Variants in CNTNAP2 observed in about 807,000 individuals in gnomAD.
CNTNAP2 encodes contactin-associated protein-like 2.
Under a neutral mutation model 155.2 loss-of-function variants are expected in CNTNAP2, and 98 were observed. That is an observed-to-expected ratio of 0.63 (90% CI 0.54 to 0.75). The LOEUF (loss-of-function observed/expected upper bound fraction) is 0.75. Ranked by LOEUF, CNTNAP2 falls within the 30% of genes least tolerant of loss-of-function variation. The pLI is 0.00. For missense variants in CNTNAP2, 1,727 were observed against 1,688.1 expected, an observed-to-expected ratio of 1.02 and a Z score of -0.40; for synonymous variants, 651 against 631.2, an observed-to-expected ratio of 1.03 and a Z score of -0.47.
At chr7:148,013,286 C>G (rs1424871564) in intron 15 of CNTNAP2, 2 of 152,194 alleles carry the variant, frequency 1.3e-5, no homozygotes, top group Non-Finnish European at 1.5e-5. Flanking sequence ...CACTAAACCT[C>G]TAAGTAAGCA....
intron 21 of CNTNAP2, among the ~76,000 whole-genome samples, chr7:148,327,116 G>A (rs1918295): frequency 0.8 from 121,623 of 151,546 alleles, 48,893 homozygotes; most frequent in African/African-American, 0.84. Context: ...ACACGAAGGA[G>A]TGAAATACCT....
chr7:146,384,198 A>G (rs1196513979), intron 1 of CNTNAP2, among the ~76,000 whole-genome samples: 1 of 152,242 alleles, frequency 6.6e-6, no homozygotes, highest in African/African-American at 2.4e-5. Context: ...TGTGGTACAT[A>G]AAGTGAATTG....
chr7:148,259,313 G>A lies in CNTNAP2; in HGVS notation c.3382-7720G>A, dbSNP rs548143815. The stretch of plus-strand genomic sequence containing the variant: ...GGAGTCTGCAGTGAGCTGTGACTGC[G>A]CCACTGCACTCTAGCCTGGATGACA... On this transcript the variant is annotated intron_variant, in intron 20 of 23. Coordinates refer to ENST00000361727, the MANE Select transcript of CNTNAP2 (RefSeq NM_014141.6). 1.8e-4 allele frequency among the ~76,000 whole-genome samples: 26 copies of A among 145,730 alleles called. No individual in the cohort carries two copies. In the South Asian group the frequency reaches 3.6e-3, roughly 20 times the overall value.
chr7:147,594,797 C>A lies in CNTNAP2; in HGVS notation c.1897+32540C>A, dbSNP rs1800798048. ...AGTCAAAAGCATAGATTAACCAAGG[C>A]AAGCTCTAAAGTAAGAAGCAATATG... is the stretch of plus-strand genomic sequence containing the variant. On this transcript the variant is annotated intron_variant, in intron 12 of 23. Coordinates refer to ENST00000361727, the MANE Select transcript of CNTNAP2 (RefSeq NM_014141.6). Among the ~76,000 whole-genome samples, 2 of 152,174 alleles carry A rather than the reference C, an allele frequency of 1.3e-5. 1 individual carries two copies. The highest frequency in any genetic ancestry group is 6.8e-3 in the Middle Eastern group (2 of 294).
chr7:148,315,941 TA>T (rs1797679780), intron 21 of CNTNAP2, among the ~76,000 whole-genome samples: 1 of 152,192 alleles, frequency 6.6e-6, no homozygotes, highest in South Asian at 2.1e-4. Flanking sequence ...TCATATATAT[TA>T]TTTATGCTTT....
intron 1 of CNTNAP2, among the ~76,000 whole-genome samples, chr7:146,551,030 C>T (rs917461504): frequency 2.6e-5 from 4 of 151,888 alleles, no homozygotes; most frequent in Admixed American, 6.6e-5. Flanking sequence ...GATTTGGTAA[C>T]GTAAATATTT....
Position 148,047,506 on chromosome 7 carries a change from C to T in CNTNAP2, c.2383+69517C>T, listed in dbSNP as rs114177679. On this transcript the variant is annotated intron_variant, in intron 15 of 23. Coordinates refer to ENST00000361727, the MANE Select transcript of CNTNAP2 (RefSeq NM_014141.6). ...GAACACTGGACGACACTCAACACTG[C>T]GCTTGGGGGCCATTTGAAACAGTAA... Among the ~76,000 whole-genome samples, 278 of 152,144 alleles carry T rather than the reference C, an allele frequency of 1.8e-3. 2 individuals are homozygous for T. The highest frequency in any genetic ancestry group is 6.3e-3 in the African/African-American group (260 of 41,510).
chr7:147,827,988 C>T (rs1798487662), intron 13 of CNTNAP2, among the ~76,000 whole-genome samples: 1 of 152,132 alleles, frequency 6.6e-6, no homozygotes. Flanking sequence ...AGCTACACTG[C>T]TTTCAAAACA....
At chr7:148,312,472 C>A (rs1278335147) in intron 21 of CNTNAP2, among the ~76,000 whole-genome samples, 1 of 151,994 alleles carries the variant, frequency 6.6e-6, no homozygotes, top group Non-Finnish European at 1.5e-5. Context: ...GAGGGTCAGT[C>A]CAAGTGAAAG....
At chr7:147,733,890 G>A (rs567647374) in intron 13 of CNTNAP2, among the ~76,000 whole-genome samples, 3 of 152,174 alleles carry the variant, frequency 2.0e-5, no homozygotes, top group African/African-American at 7.2e-5. Context: ...TGCTGAAATT[G>A]CTTATCAGCT....
At chr7:146,875,934 C>CAAAAAAAAAA (rs56304234) in intron 3 of CNTNAP2, among the ~76,000 whole-genome samples, 25 of 55,138 alleles carry the variant, frequency 4.5e-4, no homozygotes, top group East Asian at 1.0e-3. Flanking sequence ...ACATACACAG[C>CAAAAAAAAAA]AAAAAAAAAA....
chr7:147,156,322 T>C (rs1801926014), intron 8 of CNTNAP2, among the ~76,000 whole-genome samples: 1 of 152,192 alleles, frequency 6.6e-6, no homozygotes, highest in South Asian at 2.1e-4. Context: ...TTTAGGATCA[T>C]TTGTGTGAAT....
intron 10 of CNTNAP2, among the ~76,000 whole-genome samples, chr7:147,412,034 G>A (rs983136565): frequency 4.6e-5 from 7 of 151,988 alleles, no homozygotes; most frequent in African/African-American, 1.7e-4. Context: ...TTAGACAATC[G>A]ACATTTTAGG....
At chr7:146,807,604 A>G (rs867936637) in intron 2 of CNTNAP2, among the ~76,000 whole-genome samples, 5 of 152,148 alleles carry the variant, frequency 3.3e-5, no homozygotes, top group Middle Eastern at 3.4e-3. Flanking sequence ...AATTTTACCA[A>G]GGTCAATTTT....
intron 21 of CNTNAP2, among the ~76,000 whole-genome samples, chr7:148,293,096 AT>A (rs763032888): frequency 2.7e-5 from 4 of 150,406 alleles, no homozygotes; most frequent in African/African-American, 4.9e-5. Context: ...AATAAAATAA[AT>A]GACCAAAATC....
intron 14 of CNTNAP2, among the ~76,000 whole-genome samples, chr7:147,910,075 G>T (rs969511642): frequency 6.6e-6 from 1 of 152,060 alleles, no homozygotes; most frequent in Admixed American, 6.5e-5. Flanking sequence ...AAATATCTTC[G>T]ATATTTCAAA....
chr7:147,292,514 A>G (rs1805336962), intron 8 of CNTNAP2, among the ~76,000 whole-genome samples: 1 of 152,074 alleles, frequency 6.6e-6, no homozygotes, highest in African/African-American at 2.4e-5. Context: ...TTCTACAAAA[A>G]CTATATTGTT....
intron 8 of CNTNAP2, among the ~76,000 whole-genome samples, chr7:147,160,848 A>G (rs1458994706): frequency 1.3e-5 from 2 of 152,198 alleles, no homozygotes; most frequent in Admixed American, 6.5e-5. Context: ...CATACTCAGA[A>G]GCCTAAGAGA....
chr7:146,925,642 C>T (rs1796593450), intron 3 of CNTNAP2, among the ~76,000 whole-genome samples: 3 of 152,052 alleles, frequency 2.0e-5, no homozygotes, highest in Non-Finnish European at 4.4e-5. Flanking sequence ...TAGTATGTCA[C>T]AAGGAAAACT....
Sources: allele counts gnomAD v4.1 joint callset (sites outside exome capture counted in the v4.1 genomes callset), GRCh38; gene constraint gnomAD v4.1.1; transcripts MANE v1.5; gene names NCBI Gene and HGNC (gene_info 2026-07-23, HGNC 2026-07-21).